RALGPS1: variants seen among roughly 807,000 people sequenced by gnomAD.
RALGPS1 encodes the protein ras-specific guanine nucleotide-releasing factor RalGPS1.
In RALGPS1, 19 loss-of-function variants were observed where a neutral mutation model predicts 78.8. The ratio of observed to expected loss-of-function variants is 0.24; its 90% CI spans 0.17 to 0.35. RALGPS1 has a LOEUF of 0.35. RALGPS1 is among the 10% of genes least tolerant of loss of function. The pLI is 1.00. For missense variants in RALGPS1, 454 were observed against 688.3 expected (o/e 0.66, Z 3.81); for synonymous variants, 228 against 256.3 (o/e 0.89, Z 1.06).
chr9:127,064,474 C>G (rs1328336216), intron 7 of RALGPS1, among the ~76,000 whole-genome samples: 1 of 152,194 alleles, frequency 6.6e-6, no homozygotes, highest in Non-Finnish European at 1.5e-5. Flanking sequence ...TTAAAAATCA[C>G]TAAGTACTGA....
chr9:126,989,808 A>T, intron 4 of RALGPS1: 1 of 1,514,358 alleles, frequency 6.6e-7, no homozygotes, highest in Non-Finnish European at 8.8e-7. Flanking sequence ...GAGGGATTCG[A>T]TTTCACCCTT....
chr9:126,998,965 C>G (rs1366271568), intron 4 of RALGPS1, among the ~76,000 whole-genome samples: 1 of 131,872 alleles, frequency 7.6e-6, no homozygotes. Flanking sequence ...GGGAACTGAA[C>G]AATGAGAACA....
intron 8 of RALGPS1, among the ~76,000 whole-genome samples, chr9:127,165,190 C>T (rs2059230582): frequency 6.6e-6 from 1 of 152,244 alleles, no homozygotes; most frequent in Admixed American, 6.5e-5. Flanking sequence ...CCCAACTCTG[C>T]CAGTGTGGTG....
intron 1 of RALGPS1, among the ~76,000 whole-genome samples, chr9:126,939,536 G>C (rs910349504): frequency 6.6e-6 from 1 of 152,220 alleles, no homozygotes. Flanking sequence ...AGCACCAGCT[G>C]TTGCTATTAG....
intron 14 of RALGPS1, among the ~76,000 whole-genome samples, chr9:127,206,587 G>C (rs933004765): frequency 6.6e-6 from 1 of 152,114 alleles, no homozygotes; most frequent in East Asian, 1.9e-4. Context: ...CCCATGACAC[G>C]TGGAGATTAT....
chr9:127,214,627 TC>T, intron 17 of RALGPS1, 123 bp from the exon 18 acceptor site: 2 of 1,434,774 alleles, frequency 1.4e-6, no homozygotes, highest in Non-Finnish European at 1.8e-6. Flanking sequence ...CTCTGCATGT[TC>T]CAGCTCACCT....
intron 1 of RALGPS1, among the ~76,000 whole-genome samples, chr9:126,957,325 G>A (rs1295767495): frequency 6.6e-6 from 1 of 152,144 alleles, no homozygotes; most frequent in East Asian, 1.9e-4. Flanking sequence ...GGAAAGCAGG[G>A]AGAGCAAGGC....
rs1335865691 is a variant in RALGPS1 at position 127,212,086 on chromosome 9, C to T, written c.1248-45C>T. ...CCCCAGTGAGTGAGAGGGTGCTTGA[C>T]CTCAGCTCCTCCAGGGCGATGTCTG... is the stretch of plus-strand genomic sequence containing the variant. On this transcript the variant is annotated intron_variant, in intron 14 of 18. Transcript: ENST00000259351. The surrounding 1 kb of genome is among the most constrained non-coding windows in gnomAD (Gnocchi z 6.0). 1.3e-6 allele frequency: 2 copies of T among 1,510,860 alleles called. No homozygotes were observed. The highest frequency in any genetic ancestry group is 1.8e-6 in the Non-Finnish European group (2 of 1,106,472). The allele number at this position is 1,510,860 out of a possible 1,614,324, so 93.6% of individuals were successfully genotyped here.
At chr9:127,008,412 A>G (rs973265444) in intron 4 of RALGPS1, among the ~76,000 whole-genome samples, 8 of 152,158 alleles carry the variant, frequency 5.3e-5, no homozygotes, top group Non-Finnish European at 7.3e-5. Flanking sequence ...TCTGGTTGGG[A>G]CTGGCTTGCC....
rs551095097 is a variant in RALGPS1 at position 127,172,144 on chromosome 9, A to C, written c.843-2571A>C. The stretch of plus-strand genomic sequence containing the variant: ...AGTAGGACCCCCTACCTACTGCTCC[A>C]CCAGAAAAATAAAAGTGCTCACAGG... On this transcript the variant is annotated intron_variant, in intron 10 of 18. Coordinates refer to ENST00000259351, the MANE Select transcript of RALGPS1 (RefSeq NM_014636.3). 2.0e-4 allele frequency among the ~76,000 whole-genome samples: 30 copies of C among 152,306 alleles called. 1 individual carries two copies. The South Asian group carries it at 6.2e-3, about 32-fold the overall frequency.
intron 4 of RALGPS1, among the ~76,000 whole-genome samples, chr9:126,987,129 T>G (rs2041874682): frequency 6.6e-6 from 1 of 151,840 alleles, no homozygotes; most frequent in South Asian, 2.1e-4. Context: ...TGTAGCAGAG[T>G]GTTTAAGAGC....
intron 4 of RALGPS1, among the ~76,000 whole-genome samples, chr9:126,990,957 C>T (rs2042231343): frequency 6.6e-6 from 1 of 152,158 alleles, no homozygotes; most frequent in Non-Finnish European, 1.5e-5. Context: ...TCTATGCTAT[C>T]TGCCTCTCTT....
At chr9:126,916,349 A>G (rs1197720730) in intron 1 of RALGPS1, among the ~76,000 whole-genome samples, 1 of 152,192 alleles carries the variant, frequency 6.6e-6, no homozygotes, top group Non-Finnish European at 1.5e-5. Flanking sequence ...GAGCAGTGGC[A>G]AGTGGAAGCA....
At chr9:127,217,986 A>G (rs1311667845) in intron 18 of RALGPS1, among the ~76,000 whole-genome samples, 1 of 152,196 alleles carries the variant, frequency 6.6e-6, no homozygotes, top group African/African-American at 2.4e-5. Flanking sequence ...GCTAATGACC[A>G]TTCTTATAAC....
chr9:127,093,653 C>A, intron 8 of RALGPS1: 1 of 1,539,858 alleles, frequency 6.5e-7, no homozygotes, highest in Admixed American at 1.7e-5. Context: ...TGAGTGGGCT[C>A]TTCTATTGGT....
At chr9:127,214,863 C>G (rs754178043) in intron 18 of RALGPS1, 21 bp downstream of exon 18, 249 of 1,612,942 alleles carry the variant, frequency 1.5e-4, no homozygotes, top group Non-Finnish European at 2.0e-4. Context: ...CAAAATCCTG[C>G]TTGTCACCTG....
At chr9:127,036,860 A>G (rs1209874038) in intron 5 of RALGPS1, among the ~76,000 whole-genome samples, 1 of 152,240 alleles carries the variant, frequency 6.6e-6, no homozygotes, top group Non-Finnish European at 1.5e-5. Context: ...AGAAAACTGC[A>G]GAGATATACA....
At chr9:127,179,250 G>T (rs1264399016) in intron 11 of RALGPS1, among the ~76,000 whole-genome samples, 2 of 152,222 alleles carry the variant, frequency 1.3e-5, no homozygotes, top group African/African-American at 4.8e-5. Context: ...GGAGTGCCTG[G>T]AAGGTTTCAG....
intron 8 of RALGPS1, chr9:127,088,453 C>T (rs1397799494): frequency 6.0e-6 from 1 of 167,690 alleles, no homozygotes; most frequent in Non-Finnish European, 1.3e-5. Context: ...ATGCTTTTCT[C>T]CTAAGAGCAA....
Sources: allele counts gnomAD v4.1 joint callset (sites outside exome capture counted in the v4.1 genomes callset), GRCh38; gene constraint gnomAD v4.1.1; non-coding constraint Gnocchi (gnomAD v3.1); transcripts MANE v1.5; gene names NCBI Gene and HGNC (gene_info 2026-07-23, HGNC 2026-07-21).